The following ZBED1 variants were observed in gnomAD, a reference collection of about 807,000 sequenced individuals.
ZBED1 encodes the protein E3 SUMO-protein ligase ZBED1.
A neutral mutation model predicts 49.7 loss-of-function variants in ZBED1; 19 were observed. The observed-to-expected ratio is 0.38, with a 90% CI of 0.27 to 0.56. ZBED1 has a LOEUF of 0.56. Among genes scored for constraint, ZBED1 ranks in the 20% least tolerant of loss-of-function variants. ZBED1 has a pLI of 0.70. For missense variants in ZBED1, 806 were observed against 972.6 expected (o/e 0.83, Z 2.28); for synonymous variants, 439 against 440.3 (o/e 1.00, Z 0.04).
At chrX:2,496,221 C>T (rs2045281862) in intron 1 of ZBED1, among the ~76,000 whole-genome samples, 1 of 152,034 alleles carries the variant, frequency 6.6e-6, no homozygotes, top group Admixed American at 6.5e-5. Flanking sequence ...TTTTTTGAGA[C>T]GGAGTCTCGC....
intron 1 of ZBED1, among the ~76,000 whole-genome samples, chrX:2,493,709 C>A (rs35106797): frequency 0.095 from 14,474 of 152,082 alleles, 759 homozygotes; most frequent in Middle Eastern, 0.13. Context: ...GCGGCTCACG[C>A]CTGTACTCTC....
intron 1 of ZBED1, among the ~76,000 whole-genome samples, chrX:2,493,208 G>A (rs1226020736): frequency 6.6e-6 from 1 of 152,188 alleles, no homozygotes; most frequent in African/African-American, 2.4e-5. Flanking sequence ...TTCTGCAGCC[G>A]AGTTAGGGTG....
In ZBED1 at chrX:2,489,016, C is replaced by T. The variant is rs770861922; in HGVS notation, c.1704G>A (p.Val568=). Residue 568 remains valine (V), a synonymous_variant, in exon 2 of 2, where the codon GTG becomes GTA. Transcript: ENST00000652001. ...ACTTGAAGTTGCTCAGCTCCTCCAC[C>T]ACCTGGGCATGCCACTCTTCCTGGT... The part of the protein sequence containing the change: ...VEDQEEWHAQ[V]VEELSNFKSQ... 1.2e-6 allele frequency: 2 copies of T among 1,611,974 alleles called. No homozygotes were observed. The highest frequency in any genetic ancestry group is 3.3e-5 in the Admixed American group (2 of 59,866).
At chrX:2,499,219 G>A (rs1392123505) in intron 1 of ZBED1, among the ~76,000 whole-genome samples, 11 of 152,036 alleles carry the variant, frequency 7.2e-5, no homozygotes, top group Admixed American at 7.2e-4. Flanking sequence ...TCCCAGAGGC[G>A]TGCAGTAGTG....
chrX:2,499,617 A>G (rs750959479), intron 1 of ZBED1, among the ~76,000 whole-genome samples: 1 of 152,036 alleles, frequency 6.6e-6, no homozygotes, highest in African/African-American at 2.4e-5. Context: ...CAAAAAATTT[A>G]AAACATTAGC....
Position 2,500,818 on chromosome X carries a change from T to C in ZBED1, c.-55A>G. On this transcript the variant is annotated splice_region_variant and 5_prime_UTR_variant, in exon 1 of 2. Coordinates refer to ENST00000652001, the MANE Select transcript of ZBED1 (RefSeq NM_001171136.2). ...TGACCCCTGCCCCGCCCCGCTGACC[T>C]GGCTCCAGGAAGCCCCCGCGGCAGC... 1 of 1,039,146 alleles carries C rather than the reference T, an allele frequency of 9.6e-7. No homozygotes were observed. The allele number at this position is 1,039,146 out of a possible 1,614,324, so 64.4% of individuals were successfully genotyped here.
chrX:2,490,444 G>A lies in ZBED1; in HGVS notation c.276C>T (p.Thr92=), dbSNP rs143939578. 2.2e-5 allele frequency: 35 copies of A among 1,613,950 alleles called. No homozygotes were observed. The highest frequency in any genetic ancestry group is 1.6e-4 in the African/African-American group (12 of 75,054). The change falls in exon 2 of 2, where the codon ACC becomes ACT. Residue 92 remains threonine, a synonymous_variant. Coordinates refer to ENST00000652001, the MANE Select transcript of ZBED1 (RefSeq NM_001171136.2). ...ACTCGGGCTTCAGCTTGGAGAAGGC[G>A]GTGGCGAAGGCTTCACGCATCTGCT... ...NTEQMREAFA[T]AFSKLKPESS... is the part of the protein sequence containing the mutation.
At chrX:2,500,654 G>GCCCCCCCCCCCCCCCCCCCCCCCCCCCCC (rs546772121) in intron 1 of ZBED1, 163 bp downstream of exon 1, 3 of 126,740 alleles carry the variant, frequency 2.4e-5, no homozygotes, top group Admixed American at 7.7e-5. Context: ...CGCGCACGCC[G>GCCCCCCCCCCCCCCCCCCCCCCCCCCCCC]CCCCCCCCCC....
At chrX:2,493,203 C>T (rs1278483283) in intron 1 of ZBED1, among the ~76,000 whole-genome samples, 1 of 152,198 alleles carries the variant, frequency 6.6e-6, no homozygotes, top group Non-Finnish European at 1.5e-5. Flanking sequence ...GCATCTTCTG[C>T]AGCCGAGTTA....
Position 2,488,838 on chromosome X carries a change from C to T in ZBED1, c.1882G>A (p.Val628Met), listed in dbSNP as rs761608620. The change falls in exon 2 of 2, where the codon GTG becomes ATG. Residue 628 changes from valine to methionine, a missense_variant. Val to Met is a conservative substitution (Grantham distance 21). Transcript: ENST00000652001. Reference sequence around the variant, plus strand: ...AGCCGGTTCCTCTTGGCGCTGACCACGTTGGCGGCGGATCCGAAGAGACGC... The same window carrying T: ...AGCCGGTTCCTCTTGGCGCTGACCATGTTGGCGGCGGATCCGAAGAGACGC... ...PERLFGSAAN[V>M]VSAKRNRLAP... The T allele has an allele frequency of 2.7e-5, 43 of 1,613,636 alleles. No homozygotes were observed. Among genetic ancestry groups the T allele is most frequent in the South Asian group, 4.4e-5 (4 of 91,048 alleles).
Position 2,489,049 on chromosome X carries a change from G to A in ZBED1, c.1671C>T (p.Gly557=), listed in dbSNP as rs141581343. The change falls in exon 2 of 2, where the codon GGC becomes GGT. Residue 557 remains glycine, a synonymous_variant. Transcript: ENST00000652001. ...MLAEIFCQTG[G]VEDQEEWHAQ... ...CATGCCACTCTTCCTGGTCCTCCAC[G>A]CCGCCTGTCTGGCAGAAGATCTCGG... 5.2e-5 allele frequency: 84 copies of A among 1,613,758 alleles called. No homozygotes were observed. The highest frequency in any genetic ancestry group is 5.7e-5 in the Non-Finnish European group (67 of 1,179,794).
Position 2,489,050 on chromosome X carries a change from C to A in ZBED1, c.1670G>T (p.Gly557Val). The change falls in exon 2 of 2, where the codon GGC becomes GTC. Residue 557 changes from glycine (G) to valine (V), a missense_variant. Transcript: ENST00000652001. Reference protein sequence around the residue: ...MLAEIFCQTGGVEDQEEWHAQ... With the variant: ...MLAEIFCQTGVVEDQEEWHAQ... Reference sequence around the variant, plus strand: ...ATGCCACTCTTCCTGGTCCTCCACGCCGCCTGTCTGGCAGAAGATCTCGGC... The same window carrying A: ...ATGCCACTCTTCCTGGTCCTCCACGACGCCTGTCTGGCAGAAGATCTCGGC... The A allele has an allele frequency of 6.2e-7, 1 of 1,613,822 alleles. No individual in the cohort carries two copies. Among genetic ancestry groups the A allele is most frequent in the Non-Finnish European group, 8.5e-7 (1 of 1,179,814 alleles).
Position 2,489,176 on chromosome X carries a change from G to A in ZBED1, c.1544C>T (p.Pro515Leu), listed in dbSNP as rs1293936056. ...LDKVKDGGYRPAEDKIFPVPE... is the reference protein window; with the variant it reads ...LDKVKDGGYRLAEDKIFPVPE... ...CACCGGGAAGATCTTGTCCTCAGCC[G>A]GCCGGTAGCCGCCGTCTTTGACCTT... The change falls in exon 2 of 2, where the codon CCG (proline) becomes CTG (leucine). Residue 515 changes from proline to leucine, a missense_variant. By Grantham distance (98) the Pro-to-Leu change is moderately conservative. Transcript: ENST00000652001. 9 of 1,613,496 alleles carry A rather than the reference G, an allele frequency of 5.6e-6. No individual in the cohort carries two copies. Among genetic ancestry groups the A allele is most frequent in the Admixed American group, 3.3e-5 (2 of 59,996 alleles).
At chrX:2,492,211 A>T (rs1453486819) in intron 1 of ZBED1, among the ~76,000 whole-genome samples, 7 of 152,310 alleles carry the variant, frequency 4.6e-5, no homozygotes, top group African/African-American at 1.7e-4. Flanking sequence ...ATGTATTAAT[A>T]ATGAAGGTAA....
At position 2,487,232 on chromosome X, in the gene ZBED1, T is replaced by C. The variant is rs2044964853; in HGVS notation, c.*1403A>G. 1 of 152,184 alleles carries C rather than the reference T, an allele frequency of 6.6e-6. No individual in the cohort carries two copies. The highest frequency in any genetic ancestry group is 2.1e-4 in the South Asian group (1 of 4,838). 9.4% of individuals were successfully genotyped at this position (152,184 alleles called of 1,614,324 possible). A position where few individuals can be genotyped will look rare whatever the true frequency, so the allele number is the denominator to read the frequency against. On this transcript the variant is annotated 3_prime_UTR_variant, in exon 2 of 2. Coordinates refer to ENST00000652001, the MANE Select transcript of ZBED1 (RefSeq NM_001171136.2). ...TTCATTTCCCCTATGGTATTCAGTT[T>C]AAAAGAGAAGAATCAAGAGTCCTTT...
chrX:2,497,216 G>A (rs1422832908), intron 1 of ZBED1, among the ~76,000 whole-genome samples: 1 of 152,112 alleles, frequency 6.6e-6, no homozygotes, highest in Non-Finnish European at 1.5e-5. Flanking sequence ...CCAACATGGA[G>A]AAACCCCATC....
Position 2,488,871 on chromosome X carries a change from C to G in ZBED1, c.1849G>C (p.Ala617Pro). Residue 617 changes from alanine to proline, a missense_variant, in exon 2 of 2, where the codon GCC (alanine) becomes CCC (proline). This residue lies in a region of ZBED1 where 749 missense variants were observed against 861.3 expected (regional missense o/e 0.87). Transcript: ENST00000652001. The part of the protein sequence containing the change: ...KYWCVTATRV[A>P]PERLFGSAAN... The stretch of plus-strand genomic sequence containing the variant: ...GCGGATCCGAAGAGACGCTCAGGGG[C>G]GACGCGCGTGGCCGTCACGCACCAG... 1.2e-6 allele frequency: 2 copies of G among 1,612,756 alleles called. No homozygotes were observed. The highest frequency in any genetic ancestry group is 8.5e-7 in the Non-Finnish European group (1 of 1,179,226).
chrX:2,496,859 A>G (rs904156946), intron 1 of ZBED1, among the ~76,000 whole-genome samples: 6 of 149,080 alleles, frequency 4.0e-5, no homozygotes, highest in Admixed American at 1.3e-4. Flanking sequence ...TATTTATAGA[A>G]AAGTATAAAT....
Position 2,500,884 on chromosome X carries a change from G to T in ZBED1, c.-121C>A, listed in dbSNP as rs990767212. The T allele has an allele frequency of 2.6e-6, 3 of 1,150,382 alleles. No homozygotes were observed. The highest frequency in any genetic ancestry group is 4.4e-5 in the Admixed American group (1 of 22,618). 71.3% of individuals were successfully genotyped at this position (1,150,382 alleles called of 1,614,324 possible). A position where few individuals can be genotyped will look rare whatever the true frequency, so the allele number is the denominator to read the frequency against. On this transcript the variant is annotated 5_prime_UTR_variant, in exon 1 of 2. An upstream open reading frame in the 5' UTR gains an earlier in-frame stop. Coordinates refer to ENST00000652001, the MANE Select transcript of ZBED1 (RefSeq NM_001171136.2). ...CCAGGATCACCGCGGCGCCTACCGC[G>T]TAGACCCGCAGGGCCGCCCGCGCCG... is the stretch of plus-strand genomic sequence containing the variant.
Sources: gnomAD v4.1 joint callset for allele counts (sites outside exome capture counted in the v4.1 genomes callset) on GRCh38, gnomAD v4.1.1 for gene constraint, gnomAD v4.1.1 regional missense constraint, MANE v1.5 for transcripts, NCBI Gene and HGNC (gene_info 2026-07-23, HGNC 2026-07-21) for gene names.